TFF1: variants seen among roughly 807,000 people sequenced by gnomAD.
The protein encoded by TFF1 is breast cancer estrogen-inducible protein.
TFF1 carries 8 observed loss-of-function variants against 7.7 expected under a neutral mutation model. That is an observed-to-expected ratio of 1.04 (90% CI 0.61 to 1.87). The LOEUF is 1.87. TFF1 is among the 40% of genes most tolerant of loss of function. TFF1 has a pLI of 0.00. For synonymous variants in TFF1, 47 were observed against 44.8 expected (o/e 1.05, Z -0.19); for missense variants, 120 against 113.4 (o/e 1.06, Z -0.26).
At chr21:42,364,750 C>T (rs1291274142) in intron 1 of TFF1, among the ~76,000 whole-genome samples, 3 of 152,194 alleles carry the variant, frequency 2.0e-5, no homozygotes, top group Non-Finnish European at 4.4e-5. Flanking sequence ...GGGCTGTTCT[C>T]TTGTCTGCTT....
intron 1 of TFF1, among the ~76,000 whole-genome samples, chr21:42,366,011 G>A (rs991672686): frequency 6.6e-6 from 1 of 152,224 alleles, no homozygotes; most frequent in Non-Finnish European, 1.5e-5. Context: ...CACTGGGACC[G>A]GCATTTGGGC....
intron 1 of TFF1, 107 bp downstream of exon 1, chr21:42,366,304 C>A (rs2052278627): frequency 2.5e-6 from 2 of 804,230 alleles, no homozygotes; most frequent in Non-Finnish European, 3.9e-6. Flanking sequence ...TAGAACAGCA[C>A]CTGGCACAAA....
intron 1 of TFF1, among the ~76,000 whole-genome samples, chr21:42,364,752 TGTCTGCTTTGCTATCA>T (rs1249423597): frequency 6.6e-6 from 1 of 152,180 alleles, no homozygotes; most frequent in African/African-American, 2.4e-5. Context: ...GCTGTTCTCT[TGTCTGCTTTGCTATCA>T]GGGACTGCCT....
rs150281749 is a variant in TFF1, at chr21:42,363,309, C to T, written c.184G>A (p.Val62Ile). Residue 62 changes from valine to isoleucine, a missense_variant, in exon 2 of 3, where the codon GTT (valine) becomes ATT (isoleucine). By Grantham distance (29) the Val-to-Ile change is conservative. Coordinates refer to ENST00000291527, the MANE Select transcript of TFF1 (RefSeq NM_003225.3). Reference sequence around the variant, plus strand: ...TAGAAGCACCAGGGGACCCCACGAACGGTGTCGTCGAAACAGCAGCCCTTA... The same window carrying T: ...TAGAAGCACCAGGGGACCCCACGAATGGTGTCGTCGAAACAGCAGCCCTTA... ...ANKGCCFDDT[V>I]RGVPWCFYPN... 2.7e-5 allele frequency: 44 copies of T among 1,614,074 alleles called. No homozygotes were observed. Among genetic ancestry groups the T allele is most frequent in the East Asian group, 1.3e-4 (6 of 44,896 alleles).
intron 1 of TFF1, among the ~76,000 whole-genome samples, chr21:42,365,987 T>A (rs956858091): frequency 6.6e-6 from 1 of 152,262 alleles, no homozygotes; most frequent in South Asian, 2.1e-4. Flanking sequence ...GGAGAGGGTC[T>A]CCCAGGTGGC....
intron 1 of TFF1, among the ~76,000 whole-genome samples, chr21:42,366,111 C>T (rs1177825692): frequency 1.3e-5 from 2 of 152,218 alleles, no homozygotes; most frequent in Non-Finnish European, 2.9e-5. Flanking sequence ...CACGCCAACA[C>T]TTCCTCTTTG....
At chr21:42,364,622 G>A (rs934274714) in intron 1 of TFF1, among the ~76,000 whole-genome samples, 4 of 152,218 alleles carry the variant, frequency 2.6e-5, no homozygotes, top group Non-Finnish European at 5.9e-5. Flanking sequence ...TGCAGCAGGG[G>A]GTGAAAGAGG....
In TFF1 at chr21:42,362,499, C is replaced by G; in HGVS notation, c.239-4G>C. The G allele has an allele frequency of 1.9e-6, 3 of 1,583,222 alleles. No homozygotes were observed. The highest frequency in any genetic ancestry group is 2.6e-6 in the Non-Finnish European group (3 of 1,165,096). ...AGTGTCTAAAATTCACACTCCTCTA[C>G]AGGGGTGAGGGGGAGGGAGAAAGAG... On this transcript the variant is annotated splice_region_variant and splice_polypyrimidine_tract_variant and intron_variant, in intron 2 of 2. Coordinates refer to ENST00000291527, the MANE Select transcript of TFF1 (RefSeq NM_003225.3).
At chr21:42,363,036 C>G (rs1049956176) in intron 2 of TFF1, among the ~76,000 whole-genome samples, 5 of 152,096 alleles carry the variant, frequency 3.3e-5, no homozygotes, top group Non-Finnish European at 7.4e-5. Flanking sequence ...TGAAGAGAAG[C>G]CGGGGGGAAA....
chr21:42,365,301 G>A (rs969963526), intron 1 of TFF1, among the ~76,000 whole-genome samples: 1 of 151,940 alleles, frequency 6.6e-6, no homozygotes, highest in Non-Finnish European at 1.5e-5. Context: ...GGCGCAGGCA[G>A]ATGGGCCTGG....
Position 42,363,531 on chromosome 21 carries a change from A to G in TFF1, c.86-124T>C, listed in dbSNP as rs2052257157. 5 of 1,247,390 alleles carry G rather than the reference A, an allele frequency of 4.0e-6. No homozygotes were observed. In the South Asian group the frequency reaches 8.0e-5, roughly 20 times the overall value. The allele number at this position is 1,247,390 out of a possible 1,614,324, so 77.3% of individuals were successfully genotyped here. A position where few individuals can be genotyped will look rare whatever the true frequency, so the allele number is the denominator to read the frequency against. On this transcript the variant is annotated intron_variant, in intron 1 of 2. Transcript: ENST00000291527. The stretch of plus-strand genomic sequence containing the variant: ...CAACTGTCCAGTGAGGCGGATATAA[A>G]ACCCTCAGGACATGAGAGGGAGACG...
intron 1 of TFF1, 85 bp downstream of exon 1, chr21:42,366,326 A>G (rs1300318566): frequency 1.9e-6 from 2 of 1,080,582 alleles, no homozygotes. Context: ...CAGGTGCTCA[A>G]AAATATGTAT....
chr21:42,363,461 T>A (rs1278544723), intron 1 of TFF1, 54 bp from the exon 2 acceptor site: 9 of 1,578,716 alleles, frequency 5.7e-6, no homozygotes, highest in Non-Finnish European at 7.7e-6. Context: ...TTCCTTGATG[T>A]TATCATGCAC....
At chr21:42,364,488 G>A (rs1406166899) in intron 1 of TFF1, among the ~76,000 whole-genome samples, 4 of 152,210 alleles carry the variant, frequency 2.6e-5, no homozygotes, top group African/African-American at 9.6e-5. Context: ...TGGACAGATG[G>A]GGCTGGCTGG....
Position 42,362,310 on chromosome 21 carries a change from C to A in TFF1, c.*169G>T. 1.5e-6 allele frequency: 1 copy of A among 672,340 alleles called. No homozygotes were observed. Among genetic ancestry groups the A allele is most frequent in the Admixed American group, 3.4e-5 (1 of 29,698 alleles). 41.6% of individuals were successfully genotyped at this position (672,340 alleles called of 1,614,324 possible). On this transcript the variant is annotated 3_prime_UTR_variant, in exon 3 of 3. Transcript: ENST00000291527. ...ATATCGATCTCTTTTAATTTTTAGG[C>A]CAATTTTGAGTAGTCAAAGTCAGAG...
intron 1 of TFF1, among the ~76,000 whole-genome samples, chr21:42,365,761 A>C (rs967746332): frequency 2.0e-5 from 3 of 152,138 alleles, no homozygotes; most frequent in Non-Finnish European, 4.4e-5. Flanking sequence ...AGATGCAAAC[A>C]CTTCCCAAGG....
chr21:42,363,509 C>T, intron 1 of TFF1, 102 bp from the exon 2 acceptor site: 2 of 1,410,356 alleles, frequency 1.4e-6, no homozygotes, highest in Non-Finnish European at 1.9e-6. Flanking sequence ...ACATCAGCAA[C>T]TGTCCAGTGA....
rs2052280272 is a variant in TFF1, at chr21:42,366,451, CACCAGG to C, written c.39_44del (p.Leu14_Val15del). 6.2e-7 allele frequency: 1 copy of C among 1,612,926 alleles called. No individual in the cohort carries two copies. Among genetic ancestry groups the C allele is most frequent in the Non-Finnish European group, 8.5e-7 (1 of 1,179,186 alleles). On this transcript the variant is annotated inframe_deletion, in exon 1 of 3. Coordinates refer to ENST00000291527, the MANE Select transcript of TFF1 (RefSeq NM_003225.3). ...CCAGGGTGCCGAGGGCCAGCATGGA[CACCAGG>C]ACCAGGGCGCAGATCACCTTGTTCT...
intron 1 of TFF1, among the ~76,000 whole-genome samples, chr21:42,365,648 A>C (rs1157095440): frequency 6.6e-6 from 1 of 152,168 alleles, no homozygotes; most frequent in Non-Finnish European, 1.5e-5. Context: ...TAAGTTATTC[A>C]GCTCCCCACA....
Sources: allele counts gnomAD v4.1 joint callset (sites outside exome capture counted in the v4.1 genomes callset), GRCh38; gene constraint gnomAD v4.1.1; transcripts MANE v1.5; gene names NCBI Gene and HGNC (gene_info 2026-07-23, HGNC 2026-07-21).